RGMA: variants seen among roughly 807,000 people sequenced by gnomAD.
RGMA encodes the protein repulsive guidance molecule A.
Under a neutral mutation model 23.2 loss-of-function variants are expected in RGMA, and 10 were observed. That is an observed-to-expected ratio of 0.43 (90% confidence interval 0.27 to 0.73). The LOEUF is 0.73. RGMA is among the 30% of genes least tolerant of loss of function. RGMA has a pLI of 0.20. For missense variants in RGMA, 547 were observed against 630.5 expected (o/e 0.87, Z 1.42); for synonymous variants, 308 against 279.3 (o/e 1.10, Z -1.03).
chr15:93,073,206 A>C (rs917519105), intron 1 of RGMA, 175 bp from the exon 2 acceptor site: 8 of 1,205,348 alleles, frequency 6.6e-6, no homozygotes, highest in Non-Finnish European at 8.2e-6. Context: ...GCCATCCATC[A>C]CTCGGTTCTC....
rs1336426729 is a variant in RGMA, at chr15:93,036,636, C to G, written c.*8362G>C. ...GGCCTGGCCCCACCCTCTGCTCACC[C>G]CAGAACCAGAGCCCTGGTTTGACTC... On this transcript the variant is annotated 3_prime_UTR_variant, in exon 4 of 4. Transcript: ENST00000329082. The G allele has an allele frequency of 6.6e-6, 1 of 152,384 alleles. No individual in the cohort carries two copies. The allele number at this position is 152,384 out of a possible 1,614,324, so 9.4% of individuals were successfully genotyped here. A position where few individuals can be genotyped will look rare whatever the true frequency, so the allele number is the denominator to read the frequency against.
At chr15:93,083,052 T>G (rs943470186) in intron 1 of RGMA, among the ~76,000 whole-genome samples, 2 of 152,250 alleles carry the variant, frequency 1.3e-5, no homozygotes, top group African/African-American at 2.4e-5. Flanking sequence ...CTTGCTCTTG[T>G]TGACTCCCGG....
intron 2 of RGMA, 113 bp downstream of exon 2, chr15:93,072,803 G>C: frequency 8.8e-7 from 1 of 1,131,508 alleles, no homozygotes; most frequent in Non-Finnish European, 1.2e-6. Context: ...TAGGAGGCGG[G>C]GTCCGGAGGA....
Position 93,051,992 on chromosome 15 carries a change from C to T in RGMA, c.645+1G>A, listed in dbSNP as rs776711624. ...CCCTACAGCCGCCCCCTCCCCCTTA[C>T]CTTGCTGGTGGCAGTGGCCGCTGAG... On this transcript the variant is annotated splice_donor_variant, in intron 3 of 3. Coordinates refer to ENST00000329082, the MANE Select transcript of RGMA (RefSeq NM_020211.3). LOFTEE classifies it high-confidence loss of function. 6.3e-7 allele frequency: 1 copy of T among 1,596,592 alleles called. No individual in the cohort carries two copies.
At chr15:93,051,828 T>C in intron 3 of RGMA, 165 bp downstream of exon 3, 1 of 714,284 alleles carries the variant, frequency 1.4e-6, no homozygotes, top group South Asian at 2.0e-5. Flanking sequence ...GGGAGGAAGC[T>C]GAGACCCACC....
At position 93,037,591 on chromosome 15, in the gene RGMA, C is replaced by G. The variant is rs1020539959; in HGVS notation, c.*7407G>C. ...AGCTCACCAGGGTAATAAACTGCCA[C>G]AAGCCCCTTCTCTGTAACAGCTGAC... On this transcript the variant is annotated 3_prime_UTR_variant, in exon 4 of 4. Coordinates refer to ENST00000329082, the MANE Select transcript of RGMA (RefSeq NM_020211.3). This position sits in a 1 kb window ranked among gnomAD's most constrained non-coding sequence, Gnocchi z 4.3. 2.0e-5 allele frequency: 3 copies of G among 152,306 alleles called. No homozygotes were observed. The highest frequency in any genetic ancestry group is 4.4e-5 in the Non-Finnish European group (3 of 68,096). The allele number at this position is 152,306 out of a possible 1,614,324, so 9.4% of individuals were successfully genotyped here.
chr15:93,045,159 A>G lies in RGMA; in HGVS notation c.1192T>C (p.Leu398=). 6.2e-7 allele frequency: 1 copy of G among 1,605,850 alleles called. No homozygotes were observed. Among genetic ancestry groups the G allele is most frequent in the South Asian group, 1.1e-5 (1 of 89,580 alleles). The stretch of plus-strand genomic sequence containing the variant: ...GAGTGGAGCATCTTGACATCCTCCA[A>G]CGCGTAGTAGGCGGCCAGTGTGAAG... ...VNFTLAAYYA[L]EDVKMLHSNK... is the part of the protein sequence containing the mutation. The change falls in exon 4 of 4, where the codon TTG becomes CTG. Residue 398 remains leucine (L), a synonymous_variant. Transcript: ENST00000329082. This position sits in a 1 kb window ranked among gnomAD's most constrained non-coding sequence, Gnocchi z 6.9.
chr15:93,065,464 G>T, intron 2 of RGMA: 2 of 434,264 alleles, frequency 4.6e-6, no homozygotes, highest in Non-Finnish European at 8.6e-6. Context: ...AAGATGAAAA[G>T]CTGGTATTTT....
At chr15:93,088,278 T>C in intron 1 of RGMA, 2 of 985,222 alleles carry the variant, frequency 2.0e-6, no homozygotes, top group Non-Finnish European at 2.4e-6. Flanking sequence ...CCCGGGCTTG[T>C]ACCCTGGGTT....
chr15:93,088,896 C>T lies in RGMA; in HGVS notation c.14+23G>A, dbSNP rs776146383. ...CTCGGAGATGTCAGAGCCGGGTCTG[C>T]CCGGCTCCCGACCCGCGCTTACCTT... On this transcript the variant is annotated intron_variant, in intron 1 of 3. Transcript: ENST00000329082. 21 of 1,481,726 alleles carry T rather than the reference C, an allele frequency of 1.4e-5. No homozygotes were observed. The South Asian group carries it at 2.1e-4, about 14-fold the overall frequency. 91.8% of individuals were successfully genotyped at this position (1,481,726 alleles called of 1,614,324 possible).
intron 1 of RGMA, among the ~76,000 whole-genome samples, chr15:93,088,125 G>C (rs142712326): frequency 1.3e-5 from 2 of 152,124 alleles, no homozygotes; most frequent in East Asian, 1.9e-4. Flanking sequence ...CAGCTCACAG[G>C]CTCCCATTAG....
intron 2 of RGMA, among the ~76,000 whole-genome samples, chr15:93,059,348 C>T (rs11858199): frequency 0.18 from 27,865 of 152,166 alleles, 2,778 homozygotes; most frequent in Middle Eastern, 0.33. Context: ...CCAGGAGCAG[C>T]GGCTGCTGCC....
chr15:93,055,408 C>T (rs1209990335), intron 2 of RGMA, among the ~76,000 whole-genome samples: 2 of 152,120 alleles, frequency 1.3e-5, no homozygotes, highest in African/African-American at 2.4e-5. Flanking sequence ...GTGCTGCAGG[C>T]GGTACAGGCC....
chr15:93,062,488 C>T (rs1355934241), intron 2 of RGMA, among the ~76,000 whole-genome samples: 4 of 152,176 alleles, frequency 2.6e-5, no homozygotes, highest in Admixed American at 6.5e-5. Flanking sequence ...TGGCAGGAGG[C>T]GACATGCTGG....
At chr15:93,056,683 G>C (rs539166046) in intron 2 of RGMA, among the ~76,000 whole-genome samples, 1 of 152,230 alleles carries the variant, frequency 6.6e-6, no homozygotes, top group Non-Finnish European at 1.5e-5. Flanking sequence ...CCCCAGCTCT[G>C]GGTGGGCTGA....
intron 1 of RGMA, among the ~76,000 whole-genome samples, chr15:93,073,341 C>T (rs1164959394): frequency 2.0e-5 from 3 of 151,886 alleles, no homozygotes; most frequent in Non-Finnish European, 4.4e-5. Context: ...CCGGCCGCAG[C>T]GCTCGCCGTG....
chr15:93,035,678 G>C lies in RGMA; in HGVS notation c.*9320C>G, dbSNP rs2054652756. 6.6e-6 allele frequency: 1 copy of C among 152,266 alleles called. No individual in the cohort carries two copies. The highest frequency in any genetic ancestry group is 6.5e-5 in the Admixed American group (1 of 15,284). 9.4% of individuals were successfully genotyped at this position (152,266 alleles called of 1,614,324 possible). ...CCCAAAGCCCAGGCCTAACTGGAAG[G>C]CTCAGGGCGGCCTGAGGAGAGATGG... On this transcript the variant is annotated 3_prime_UTR_variant, in exon 4 of 4. Coordinates refer to ENST00000329082, the MANE Select transcript of RGMA (RefSeq NM_020211.3).
chr15:93,066,350 T>A, intron 2 of RGMA: 1 of 752,052 alleles, frequency 1.3e-6, no homozygotes, highest in African/African-American at 1.7e-5. Context: ...TGCCCAGGAC[T>A]CGGAGTGCCA....
At position 93,042,925 on chromosome 15, in the gene RGMA, T is replaced by G. The variant is rs1031170894; in HGVS notation, c.*2073A>C. Reference sequence around the variant, plus strand: ...GATAGCAGTGGCTGAGAGGGAGTCATCCCAGATCTCAGGCTATCCCACCCA... The same window carrying G: ...GATAGCAGTGGCTGAGAGGGAGTCAGCCCAGATCTCAGGCTATCCCACCCA... On this transcript the variant is annotated 3_prime_UTR_variant, in exon 4 of 4. Coordinates refer to ENST00000329082, the MANE Select transcript of RGMA (RefSeq NM_020211.3). 6.6e-6 allele frequency: 1 copy of G among 152,334 alleles called. No individual in the cohort carries two copies. Among genetic ancestry groups the G allele is most frequent in the Middle Eastern group, 3.4e-3 (1 of 296 alleles). 9.4% of individuals were successfully genotyped at this position (152,334 alleles called of 1,614,324 possible).
Sources: allele counts gnomAD v4.1 joint callset (sites outside exome capture counted in the v4.1 genomes callset), GRCh38; gene constraint gnomAD v4.1.1; non-coding constraint Gnocchi (gnomAD v3.1); transcripts MANE v1.5; gene names NCBI Gene and HGNC (gene_info 2026-07-23, HGNC 2026-07-21).